CIB1: variants seen among roughly 807,000 people sequenced by gnomAD.
The protein encoded by CIB1 is calcium and integrin binding 1, also known as calcium and integrin-binding protein 1.
CIB1 carries 19 observed loss-of-function variants against 25.0 expected under a neutral mutation model. That is an observed-to-expected ratio of 0.76 (90% CI 0.53 to 1.12). CIB1 has a LOEUF of 1.12. Ranked by LOEUF, CIB1 falls within the 50% of genes most tolerant of loss-of-function variation. The probability of loss-of-function intolerance (pLI) is 0.00; values close to 1 mark genes in which losing one functional copy is unlikely to be tolerated. For missense variants in CIB1, 236 were observed against 242.6 expected (o/e 0.97, Z 0.18); for synonymous variants, 104 against 98.5 (o/e 1.06, Z -0.33).
upstream of CIB1, chr15:90,234,040 TC>T: frequency 1.2e-6 from 1 of 867,708 alleles, no homozygotes; most frequent in Non-Finnish European, 1.6e-6. Context: ...TGCCAGGCGT[TC>T]CCAGCCGGGT....
the CIB1 span, chr15:90,262,805 G>A: frequency 7.4e-6 from 9 of 1,215,422 alleles, no homozygotes; most frequent in African/African-American, 7.7e-5. Flanking sequence ...AATTGAATCC[G>A]ATCCTTTGGA....
chr15:90,264,612 G>A, the CIB1 span: 12 of 1,279,090 alleles, frequency 9.4e-6, no homozygotes, highest in Non-Finnish European at 1.3e-5. Flanking sequence ...GTGGAGGGAA[G>A]CATGAGATGC....
chr15:90,257,192 TC>T, the CIB1 span: 1 of 1,614,022 alleles, frequency 6.2e-7, no homozygotes, highest in Non-Finnish European at 8.5e-7. Context: ...CCTGATCACA[TC>T]CTGTGACCCT....
chr15:90,254,265 C>T, the CIB1 span, among the ~76,000 whole-genome samples: 12 of 149,832 alleles, frequency 8.0e-5, no homozygotes, highest in East Asian at 2.0e-3. Context: ...GAGGCCGAGG[C>T]GGGCGGATCA....
chr15:90,263,122 C>G, the CIB1 span: 1 of 1,526,706 alleles, frequency 6.6e-7, no homozygotes, highest in Non-Finnish European at 8.7e-7. Context: ...CCCCCAGGGC[C>G]AGAAAAAACT....
At chr15:90,247,052 T>C in the CIB1 span, among the ~76,000 whole-genome samples, 1 of 151,560 alleles carries the variant, frequency 6.6e-6, no homozygotes, top group South Asian at 2.1e-4. Context: ...CTTGGCTCAC[T>C]GCAACCTCTG....
At chr15:90,241,196 T>G in the CIB1 span, 1 of 1,614,138 alleles carries the variant, frequency 6.2e-7, no homozygotes, top group Non-Finnish European at 8.5e-7. Context: ...GTTTCGTGGC[T>G]CAGCTGAATG....
the CIB1 span, chr15:90,250,888 G>T: frequency 1.2e-6 from 2 of 1,613,280 alleles, no homozygotes; most frequent in Admixed American, 3.3e-5. Context: ...GGAAACGCAG[G>T]TAACTATTCC....
chr15:90,233,121 G>A (rs967782604), intron 2 of CIB1, among the ~76,000 whole-genome samples: 1 of 152,226 alleles, frequency 6.6e-6, no homozygotes, highest in Non-Finnish European at 1.5e-5. Context: ...AGGGCTTCCA[G>A]CCCAAGTTCA....
At chr15:90,250,532 C>T in the CIB1 span, 4 of 1,423,366 alleles carry the variant, frequency 2.8e-6, no homozygotes, top group Non-Finnish European at 3.8e-6. Flanking sequence ...GCATGAAGGT[C>T]GTTCTGGTGG....
Position 90,232,248 on chromosome 15 carries a change from C to A in CIB1, c.166G>T (p.Glu56Ter), listed in dbSNP as rs1247293820. The change falls in exon 3 of 7, where the codon GAG becomes TAG. Residue 56 changes from glutamate to a stop codon, truncating the protein, a stop_gained. Coordinates refer to ENST00000328649, the MANE Select transcript of CIB1 (RefSeq NM_006384.4). LOFTEE classifies it high-confidence loss of function. ...AGCTCTGGAAGGCTGAGAATCTGCT[C>A]GAAGGGCACTTGTGCCCGAAGTGAC... ...ESSLRAQVPFEQILSLPELKA... is the reference protein window; with the variant it reads ...ESSLRAQVPF The A allele has an allele frequency of 5.6e-6, 9 of 1,612,630 alleles. No individual in the cohort carries two copies. The highest frequency in any genetic ancestry group is 1.1e-5 in the South Asian group (1 of 90,842).
upstream of CIB1, among the ~76,000 whole-genome samples, chr15:90,235,709 A>C (rs543833695): frequency 6.6e-6 from 1 of 151,774 alleles, no homozygotes; most frequent in Non-Finnish European, 1.5e-5. Context: ...CTGGGACTAC[A>C]GGCACCCGCC....
At chr15:90,262,424 C>A in the CIB1 span, 7 of 1,409,162 alleles carry the variant, frequency 5.0e-6, no homozygotes, top group East Asian at 1.5e-4. Context: ...TCCTCATCCC[C>A]ATTTTTCCTC....
At chr15:90,260,579 G>A in the CIB1 span, among the ~76,000 whole-genome samples, 3 of 152,120 alleles carry the variant, frequency 2.0e-5, no homozygotes, top group African/African-American at 7.2e-5. Flanking sequence ...GCGGCCAGGT[G>A]CAGTGACTCA....
the CIB1 span, chr15:90,250,516 A>T: frequency 6.7e-6 from 9 of 1,336,640 alleles, no homozygotes; most frequent in Non-Finnish European, 9.2e-6. Context: ...ACTTTCCCTT[A>T]TAACAGCATG....
At chr15:90,239,076 T>C in the CIB1 span, among the ~76,000 whole-genome samples, 2 of 152,166 alleles carry the variant, frequency 1.3e-5, no homozygotes, top group Admixed American at 6.5e-5. Context: ...ATTGCCACAT[T>C]GTGTATAATA....
the CIB1 span, chr15:90,263,339 T>C: frequency 2.7e-5 from 15 of 552,982 alleles, no homozygotes; most frequent in Admixed American, 3.4e-4. Context: ...CTCCTTTGTT[T>C]TAGATATGAC....
At chr15:90,242,597 A>G in the CIB1 span, 2 of 150,968 alleles carry the variant, frequency 1.3e-5, no homozygotes, top group East Asian at 3.9e-4. Flanking sequence ...GGCTCCTGCC[A>G]CCAAACCCGG....
At chr15:90,232,131 T>TG in intron 3 of CIB1, 88 bp downstream of exon 3, 1 of 1,061,942 alleles carries the variant, frequency 9.4e-7, no homozygotes, top group Non-Finnish European at 1.4e-6. Flanking sequence ...AGTGACCCCA[T>TG]GATCCCAAAG....
Sources: gnomAD v4.1 joint callset for allele counts (sites outside exome capture counted in the v4.1 genomes callset) on GRCh38, gnomAD v4.1.1 for gene constraint, MANE v1.5 for transcripts, NCBI Gene and HGNC (gene_info 2026-07-23, HGNC 2026-07-21) for gene names.